The following HTR4 variants were observed in gnomAD, a reference collection of about 807,000 sequenced individuals.
The protein encoded by HTR4 is 5-hydroxytryptamine receptor 4, also known as 5-hydroxytryptamine (serotonin) receptor 4, G protein-coupled.
In HTR4, 16 loss-of-function variants were observed where a neutral mutation model predicts 36.8. That is an observed-to-expected ratio of 0.43 (90% CI 0.29 to 0.66). HTR4 has a LOEUF of 0.66. Among genes scored for constraint, HTR4 ranks in the 30% least tolerant of loss-of-function variants. The pLI, the probability that HTR4 is intolerant of heterozygous loss-of-function variation, is 0.13. For synonymous variants in HTR4, 189 were observed against 185.1 expected, an observed-to-expected ratio of 1.02 and a Z score of -0.17; for missense variants, 438 against 490.9, an observed-to-expected ratio of 0.89 and a Z score of 1.02.
At chr5:148,523,061 T>C in intron 5 of HTR4, 132 bp downstream of exon 5, 1 of 892,004 alleles carries the variant, frequency 1.1e-6, no homozygotes, top group South Asian at 1.9e-5. Flanking sequence ...AGTGTTAGCT[T>C]TAAAAAAAAA....
At chr5:148,566,389 A>G (rs1040684954) in intron 2 of HTR4, among the ~76,000 whole-genome samples, 4 of 152,194 alleles carry the variant, frequency 2.6e-5, no homozygotes, top group African/African-American at 9.6e-5. Context: ...TCAAGAAAAT[A>G]ACTAAGATTT....
rs186891818 is a variant in HTR4, at chr5:148,469,906, G to C, written c.1077-18634C>G. Among the ~76,000 whole-genome samples the C allele has an allele frequency of 4.4e-3, 664 of 152,314 alleles. 7 individuals carry two copies. Among genetic ancestry groups the C allele is most frequent in the African/African-American group, 0.015 (632 of 41,564 alleles). ...GCTAGTCCACATTCCGCCTCTTCCTGGCTCAGTATCTAACTCTTCATTTCT... is the reference window on the plus strand; with the variant it reads ...GCTAGTCCACATTCCGCCTCTTCCTCGCTCAGTATCTAACTCTTCATTTCT... On this transcript the variant is annotated intron_variant, in intron 5 of 5. Transcript: ENST00000521530.
At chr5:148,548,990 G>T in intron 3 of HTR4, 122 bp from the exon 4 acceptor site, 1 of 708,056 alleles carries the variant, frequency 1.4e-6, no homozygotes, top group Non-Finnish European at 2.4e-6. Flanking sequence ...AAGAAGGGAG[G>T]GGGAAAGAGG....
intron 2 of HTR4, among the ~76,000 whole-genome samples, chr5:148,622,677 T>A (rs911836816): frequency 1.3e-5 from 2 of 152,250 alleles, no homozygotes; most frequent in Non-Finnish European, 2.9e-5. Flanking sequence ...ATTTTCATTT[T>A]CCTTATCTAT....
intron 2 of HTR4, among the ~76,000 whole-genome samples, chr5:148,632,297 G>T (rs1195241550): frequency 6.6e-6 from 1 of 152,112 alleles, no homozygotes; most frequent in African/African-American, 2.4e-5. Context: ...CCTAGCAAAG[G>T]GCGGAAAATG....
At chr5:148,565,686 C>T (rs1267896187) in intron 2 of HTR4, among the ~76,000 whole-genome samples, 1 of 152,136 alleles carries the variant, frequency 6.6e-6, no homozygotes, top group African/African-American at 2.4e-5. Flanking sequence ...ATGCACCCAA[C>T]ATATAAGAGA....
chr5:148,587,558 C>T (rs1002051436), intron 2 of HTR4, among the ~76,000 whole-genome samples: 1 of 152,156 alleles, frequency 6.6e-6, no homozygotes, highest in African/African-American at 2.4e-5. Context: ...CTTTTCCTCC[C>T]AGTAGAACTC....
At chr5:148,629,078 A>C (rs1304758802) in intron 2 of HTR4, 1 of 152,180 alleles carries the variant, frequency 6.6e-6, no homozygotes, top group Non-Finnish European at 1.5e-5. Context: ...AACTATGTAA[A>C]AAATCTCATT....
downstream of HTR4, among the ~76,000 whole-genome samples, chr5:148,474,969 C>T (rs1755660619): frequency 1.3e-5 from 2 of 151,704 alleles, no homozygotes; most frequent in South Asian, 2.1e-4. Flanking sequence ...TGCTGGAACC[C>T]GGGAGGCAGA....
chr5:148,522,829 G>T (rs1345312166), intron 5 of HTR4, among the ~76,000 whole-genome samples: 2 of 152,104 alleles, frequency 1.3e-5, no homozygotes, highest in Non-Finnish European at 2.9e-5. Context: ...ACAGGCCAAG[G>T]TGATCATACA....
chr5:148,624,790 A>G (rs376322259), intron 2 of HTR4, among the ~76,000 whole-genome samples: 4 of 152,264 alleles, frequency 2.6e-5, no homozygotes, highest in South Asian at 4.2e-4. Context: ...TGGGCACAAA[A>G]CTTTCTATGA....
intron 6 of HTR4, among the ~76,000 whole-genome samples, chr5:148,493,863 T>C (rs1180177663): frequency 1.3e-5 from 2 of 152,186 alleles, no homozygotes; most frequent in Non-Finnish European, 2.9e-5. Flanking sequence ...ATTAAGTCTG[T>C]TTTGGCTCAA....
intron 6 of HTR4, among the ~76,000 whole-genome samples, chr5:148,485,992 A>G (rs1756141264): frequency 6.6e-6 from 1 of 152,222 alleles, no homozygotes; most frequent in African/African-American, 2.4e-5. Context: ...CAATTCTTTT[A>G]GAGATTTAAA....
At chr5:148,546,837 A>T (rs1393813045) in intron 4 of HTR4, among the ~76,000 whole-genome samples, 1 of 152,200 alleles carries the variant, frequency 6.6e-6, no homozygotes, top group Non-Finnish European at 1.5e-5. Flanking sequence ...CTTACATTGT[A>T]TTTCCTATAA....
chr5:148,611,357 A>G (rs1407852286), intron 2 of HTR4, among the ~76,000 whole-genome samples: 9 of 151,974 alleles, frequency 5.9e-5, no homozygotes, highest in African/African-American at 1.7e-4. Context: ...GCCAGAAGAG[A>G]GTGGGGGCCA....
intron 2 of HTR4, among the ~76,000 whole-genome samples, chr5:148,609,726 C>T (rs568321055): frequency 5.3e-5 from 8 of 152,072 alleles, no homozygotes; most frequent in South Asian, 4.2e-4. Context: ...CCACCATGCC[C>T]GGCTAATTTT....
intron 4 of HTR4, among the ~76,000 whole-genome samples, chr5:148,543,069 A>G (rs1759200224): frequency 6.6e-6 from 1 of 152,226 alleles, no homozygotes; most frequent in Non-Finnish European, 1.5e-5. Flanking sequence ...AAATTCTTCC[A>G]TGAGAAACAG....
At chr5:148,574,476 T>C (rs922128837) in intron 2 of HTR4, among the ~76,000 whole-genome samples, 3 of 152,094 alleles carry the variant, frequency 2.0e-5, no homozygotes, top group Admixed American at 6.6e-5. Flanking sequence ...TGTCAAAAGC[T>C]TTCTTTATGA....
intron 2 of HTR4, among the ~76,000 whole-genome samples, chr5:148,607,390 G>A (rs1316904184): frequency 6.6e-6 from 1 of 152,136 alleles, no homozygotes; most frequent in African/African-American, 2.4e-5. Context: ...GCTGTGATTC[G>A]GGCAGCAGTG....
Sources: allele counts gnomAD v4.1 joint callset (sites outside exome capture counted in the v4.1 genomes callset), GRCh38; gene constraint gnomAD v4.1.1; transcripts MANE v1.5; gene names NCBI Gene and HGNC (gene_info 2026-07-23, HGNC 2026-07-21).